The following SERPINB2 variants were observed in gnomAD, a reference collection of about 807,000 sequenced individuals.
SERPINB2 encodes the protein plasminogen activator inhibitor 2.
SERPINB2 carries 28 observed loss-of-function variants against 39.4 expected under a neutral mutation model. That is an observed-to-expected ratio of 0.71 (90% CI 0.53 to 0.97). The LOEUF is 0.97. SERPINB2 is among the 50% of genes least tolerant of loss of function. The pLI is 0.00. For synonymous variants in SERPINB2, 209 were observed against 175.1 expected, an observed-to-expected ratio of 1.19 and a Z score of -1.53; for missense variants, 557 against 505.3, an observed-to-expected ratio of 1.10 and a Z score of -0.98.
chr18:63,894,422 T>G (rs2049945910), intron 2 of SERPINB2, among the ~76,000 whole-genome samples: 1 of 152,154 alleles, frequency 6.6e-6, no homozygotes, highest in Admixed American at 6.5e-5. Context: ...ATTAACTTCA[T>G]TAGCAGAACC....
chr18:63,902,873 GTTTGT>G (rs112143454), intron 7 of SERPINB2, 23 bp from the exon 8 acceptor site: 6 of 1,518,520 alleles, frequency 4.0e-6, no homozygotes, highest in South Asian at 1.3e-5. Flanking sequence ...ATTTTCTTTT[GTTTGT>G]TTTGTTTTGT....
intron 2 of SERPINB2, among the ~76,000 whole-genome samples, chr18:63,891,861 A>C (rs2049928866): frequency 6.6e-6 from 1 of 152,228 alleles, no homozygotes; most frequent in Non-Finnish European, 1.5e-5. Flanking sequence ...GGACACAGTT[A>C]TGAGTGACCA....
intron 3 of SERPINB2, among the ~76,000 whole-genome samples, chr18:63,896,026 A>C (rs1435592885): frequency 6.6e-6 from 1 of 152,202 alleles, no homozygotes; most frequent in Non-Finnish European, 1.5e-5. Flanking sequence ...TCAGCTATCC[A>C]GTTAAATTAT....
chr18:63,901,953 T>A, intron 6 of SERPINB2, 71 bp downstream of exon 6: 2 of 1,401,764 alleles, frequency 1.4e-6, no homozygotes, highest in Non-Finnish European at 1.9e-6. Flanking sequence ...ACAGAAAAAT[T>A]AGAGACCGCT....
At chr18:63,902,337 A>T in intron 6 of SERPINB2, 67 bp from the exon 7 acceptor site, 1 of 1,374,000 alleles carries the variant, frequency 7.3e-7, no homozygotes, top group Non-Finnish European at 9.8e-7. Flanking sequence ...ATCCTCCTTT[A>T]TGTCTAATTG....
chr18:63,895,679 G>A (rs924991778), intron 3 of SERPINB2, among the ~76,000 whole-genome samples: 2 of 152,176 alleles, frequency 1.3e-5, no homozygotes, highest in Non-Finnish European at 2.9e-5. Flanking sequence ...ATCCACAGTA[G>A]AGACTCCTAG....
intron 6 of SERPINB2, 61 bp from the exon 7 acceptor site, chr18:63,902,343 A>G: frequency 7.1e-7 from 1 of 1,406,326 alleles, no homozygotes; most frequent in Non-Finnish European, 9.5e-7. Flanking sequence ...CTTTATGTCT[A>G]ATTGTAAATC....
Position 63,894,242 on chromosome 18 carries a change from G to A in SERPINB2, c.169-1022G>A, listed in dbSNP as rs555008855. 4.0e-4 allele frequency among the ~76,000 whole-genome samples: 61 copies of A among 151,656 alleles called. 2 individuals are homozygous for A. The South Asian group carries it at 5.3e-3, about 13-fold the overall frequency. ...AGAGAGGAAAACCAGCCAAGCTGTC[G>A]TAGGAAATCTTCTTCTTTTACGTGA... On this transcript the variant is annotated intron_variant, in intron 2 of 7. Transcript: ENST00000299502.
chr18:63,903,711 T>C lies in SERPINB2; in HGVS notation c.*406T>C, dbSNP rs2050009405. 1 of 153,068 alleles carries C rather than the reference T, an allele frequency of 6.5e-6. No individual in the cohort carries two copies. Among genetic ancestry groups the C allele is most frequent in the South Asian group, 2.1e-4 (1 of 4,842 alleles). The allele number at this position is 153,068 out of a possible 1,614,324, so 9.5% of individuals were successfully genotyped here. A position where few individuals can be genotyped will look rare whatever the true frequency, so the allele number is the denominator to read the frequency against. The stretch of plus-strand genomic sequence containing the variant: ...TAATAAATGCCTTTAATTGTTCTCA[T>C]AATGAAGAATAAGTAGGTATCCCTC... On this transcript the variant is annotated 3_prime_UTR_variant, in exon 8 of 8. Transcript: ENST00000299502.
chr18:63,894,263 C>G (rs1265771552), intron 2 of SERPINB2, among the ~76,000 whole-genome samples: 1 of 152,080 alleles, frequency 6.6e-6, no homozygotes, highest in African/African-American at 2.4e-5. Flanking sequence ...TCTTCTTTTA[C>G]GTGAGGGTGG....
intron 1 of SERPINB2, among the ~76,000 whole-genome samples, chr18:63,888,899 C>T (rs1038267986): frequency 2.0e-5 from 3 of 152,166 alleles, no homozygotes; most frequent in African/African-American, 7.2e-5. Context: ...TTTCACAATA[C>T]CCCATGACTT....
chr18:63,891,532 C>T lies in SERPINB2; in HGVS notation c.88C>T (p.Leu30Phe). Residue 30 changes from leucine to phenylalanine, a missense_variant, in exon 2 of 8, where the codon CTC becomes TTC. Physicochemically the swap from Leu to Phe is conservative, Grantham distance 22. Transcript: ENST00000299502. ...AKASPTQNLF[L>F]SPWSISSTMA... ...AGCAAGCCCCACCCAGAACCTCTTC[C>T]TCTCCCCATGGAGCATCTCGTCCAC... The T allele has an allele frequency of 6.2e-7, 1 of 1,614,212 alleles. No homozygotes were observed. Among genetic ancestry groups the T allele is most frequent in the Non-Finnish European group, 8.5e-7 (1 of 1,180,020 alleles).
At chr18:63,897,905 T>G in intron 5 of SERPINB2, 61 bp downstream of exon 5, 2 of 1,176,248 alleles carry the variant, frequency 1.7e-6, no homozygotes, top group Non-Finnish European at 2.5e-6. Flanking sequence ...ATCTATCTTT[T>G]TCCATCCATG....
Position 63,891,518 on chromosome 18 carries a change from C to T in SERPINB2, c.74C>T (p.Thr25Ile), listed in dbSNP as rs150347076. 9.3e-5 allele frequency: 150 copies of T among 1,614,096 alleles called. No homozygotes were observed. Among genetic ancestry groups the T allele is most frequent in the Non-Finnish European group, 1.2e-4 (142 of 1,180,026 alleles). Residue 25 changes from threonine (T) to isoleucine (I), a missense_variant, in exon 2 of 8, where the codon ACC becomes ATC. Physicochemically the swap from Thr to Ile is moderately conservative, Grantham distance 89 (BLOSUM62 -1). Coordinates refer to ENST00000299502, the MANE Select transcript of SERPINB2 (RefSeq NM_002575.3). ...AAGCATCTGGCAAAAGCAAGCCCCACCCAGAACCTCTTCCTCTCCCCATGG... is the reference window on the plus strand; with the variant it reads ...AAGCATCTGGCAAAAGCAAGCCCCATCCAGAACCTCTTCCTCTCCCCATGG... ...LFKHLAKASP[T>I]QNLFLSPWSI...
intron 5 of SERPINB2, 120 bp downstream of exon 5, chr18:63,897,964 T>C (rs2049971269): frequency 1.5e-6 from 1 of 675,880 alleles, no homozygotes; most frequent in African/African-American, 1.8e-5. Context: ...TGCAGTTACT[T>C]TGGTGGATGT....
intron 5 of SERPINB2, among the ~76,000 whole-genome samples, chr18:63,898,654 T>C (rs1346067093): frequency 2.6e-5 from 4 of 152,114 alleles, no homozygotes; most frequent in Non-Finnish European, 5.9e-5. Flanking sequence ...GCAATTGCTA[T>C]AGAGTAGTAG....
chr18:63,891,979 G>T (rs957605556), intron 2 of SERPINB2, among the ~76,000 whole-genome samples: 1 of 152,072 alleles, frequency 6.6e-6, no homozygotes, highest in Non-Finnish European at 1.5e-5. Flanking sequence ...TGAGAGCCCT[G>T]GTGGTGTCAG....
At chr18:63,890,746 C>G (rs1018832015) in intron 1 of SERPINB2, 7 of 152,012 alleles carry the variant, frequency 4.6e-5, no homozygotes, top group African/African-American at 1.7e-4. Flanking sequence ...TATAGGAAGT[C>G]TTTTTTAGTA....
intron 2 of SERPINB2, 87 bp from the exon 3 acceptor site, chr18:63,895,177 A>G (rs1050014658): frequency 3.3e-6 from 5 of 1,533,710 alleles, no homozygotes; most frequent in East Asian, 2.3e-5. Context: ...ATCTAGGACC[A>G]TTTTAGAGCC....
Sources: gnomAD v4.1 joint callset for allele counts (sites outside exome capture counted in the v4.1 genomes callset) on GRCh38, gnomAD v4.1.1 for gene constraint, MANE v1.5 for transcripts, NCBI Gene and HGNC (gene_info 2026-07-23, HGNC 2026-07-21) for gene names.